The following DOCK3 variants were observed in gnomAD, a reference collection of about 807,000 sequenced individuals.
DOCK3 encodes dedicator of cytokinesis protein 3.
A neutral mutation model predicts 265.6 loss-of-function variants in DOCK3; 60 were observed. The observed-to-expected ratio is 0.23, with a 90% CI of 0.18 to 0.28. DOCK3 has a LOEUF of 0.28. DOCK3 is among the 10% of genes least tolerant of loss of function. The pLI, the probability that DOCK3 is intolerant of heterozygous loss-of-function variation, is 1.00. For missense variants in DOCK3, 1,981 were observed against 2,594.3 expected, an observed-to-expected ratio of 0.76 and a Z score of 5.14; for synonymous variants, 881 against 938.0, an observed-to-expected ratio of 0.94 and a Z score of 1.11.
chr3:50,994,148 G>A (rs1424092758), intron 5 of DOCK3, among the ~76,000 whole-genome samples: 42 of 152,192 alleles, frequency 2.8e-4, no homozygotes, highest in Admixed American at 2.7e-3. Flanking sequence ...TGGTCCAGGA[G>A]GATGGCAGAG....
intron 1 of DOCK3, among the ~76,000 whole-genome samples, chr3:50,773,600 T>C (rs1435956487): frequency 1.3e-5 from 2 of 152,082 alleles, no homozygotes; most frequent in Non-Finnish European, 2.9e-5. Flanking sequence ...ATAAAGAGTT[T>C]GTTAACGAGT....
chr3:50,963,554 C>T (rs1397790111), intron 5 of DOCK3, among the ~76,000 whole-genome samples: 1 of 152,124 alleles, frequency 6.6e-6, no homozygotes, highest in African/African-American at 2.4e-5. Flanking sequence ...TCTGCTTCTG[C>T]CCACGATAAA....
In DOCK3 at chr3:50,687,571, C is replaced by G. The variant is rs2107709864; in HGVS notation, c.37+12271C>G. ...GCTCTGCGTCCATTTCCTCACAGAG[C>G]TGTGCAAATAGAATGAGCTAAGGGC... On this transcript the variant is annotated intron_variant, in intron 1 of 52. Coordinates refer to ENST00000266037, the MANE Select transcript of DOCK3 (RefSeq NM_004947.5). Among the ~76,000 whole-genome samples the G allele has an allele frequency of 1.3e-5, 2 of 152,330 alleles. 1 individual carries two copies. The highest frequency in any genetic ancestry group is 6.8e-3 in the Middle Eastern group (2 of 294).
At chr3:51,326,091 G>A (rs1451390976) in intron 32 of DOCK3, among the ~76,000 whole-genome samples, 1 of 150,240 alleles carries the variant, frequency 6.7e-6, no homozygotes, top group Non-Finnish European at 1.5e-5. Context: ...AAATGAAATT[G>A]TTGTGTATAT....
rs555463854 is a variant in DOCK3 at position 50,758,034 on chromosome 3, C to A, written c.38-20641C>A. Reference sequence around the variant, plus strand: ...ACTAAAAAATACAAAAAAAATTAGCCGGGAGTGGCAGTGTGTGTGTGTAGT... The same window carrying A: ...ACTAAAAAATACAAAAAAAATTAGCAGGGAGTGGCAGTGTGTGTGTGTAGT... On this transcript the variant is annotated intron_variant, in intron 1 of 52. Coordinates refer to ENST00000266037, the MANE Select transcript of DOCK3 (RefSeq NM_004947.5). Among the ~76,000 whole-genome samples, 152 of 151,530 alleles carry A rather than the reference C, an allele frequency of 1.0e-3. No individual in the cohort carries two copies. In the Middle Eastern group the frequency reaches 0.014, roughly 14 times the overall value.
At chr3:51,202,260 T>C (rs1486116578) in intron 12 of DOCK3, among the ~76,000 whole-genome samples, 1 of 149,492 alleles carries the variant, frequency 6.7e-6, no homozygotes, top group Non-Finnish European at 1.5e-5. Flanking sequence ...ACAAAATTGA[T>C]AGACTGCTAG....
intron 5 of DOCK3, among the ~76,000 whole-genome samples, chr3:50,993,950 A>C (rs1575703386): frequency 6.6e-6 from 1 of 152,288 alleles, no homozygotes; most frequent in South Asian, 2.1e-4. Context: ...AAACTGTCTA[A>C]TACAGGTCTA....
intron 1 of DOCK3, among the ~76,000 whole-genome samples, chr3:50,737,047 G>T (rs879559682): frequency 3.3e-5 from 5 of 151,988 alleles, no homozygotes; most frequent in African/African-American, 7.3e-5. Context: ...ACTTTTTGAT[G>T]GGGTTGTTTT....
chr3:51,040,469 C>T (rs555865298), intron 5 of DOCK3, among the ~76,000 whole-genome samples: 3 of 152,120 alleles, frequency 2.0e-5, no homozygotes, highest in Non-Finnish European at 2.9e-5. Flanking sequence ...ATCCTTCAGC[C>T]AGTCATGATC....
At chr3:51,319,274 G>A (rs1055095368) in intron 32 of DOCK3, among the ~76,000 whole-genome samples, 1 of 152,036 alleles carries the variant, frequency 6.6e-6, no homozygotes, top group African/African-American at 2.4e-5. Flanking sequence ...CAGTTTGGGA[G>A]TGTGTAGCTC....
chr3:51,170,597 T>C (rs1428028991), intron 12 of DOCK3, among the ~76,000 whole-genome samples: 1 of 152,172 alleles, frequency 6.6e-6, no homozygotes, highest in African/African-American at 2.4e-5. Context: ...TCCTCTTTCA[T>C]TTATAATTTT....
chr3:50,952,943 G>T lies in DOCK3; in HGVS notation c.315+18866G>T, dbSNP rs115355812. Among the ~76,000 whole-genome samples the T allele has an allele frequency of 5.5e-3, 839 of 152,220 alleles. 7 individuals are homozygous for T. The highest frequency in any genetic ancestry group is 0.036 in the South Asian group (172 of 4,816). ...GAGTATGTGGCATGTATGAAGTACT[G>T]AAGGTTAATGAAACTTAAGTGATTT... On this transcript the variant is annotated intron_variant, in intron 5 of 52. Transcript: ENST00000266037.
intron 21 of DOCK3, among the ~76,000 whole-genome samples, chr3:51,242,997 C>T (rs1477120488): frequency 6.6e-6 from 1 of 152,096 alleles, no homozygotes; most frequent in Non-Finnish European, 1.5e-5. Flanking sequence ...TGACATGGGG[C>T]CCCCAGGTCA....
intron 4 of DOCK3, among the ~76,000 whole-genome samples, chr3:50,928,518 T>C (rs1205918114): frequency 1.3e-5 from 2 of 152,250 alleles, no homozygotes; most frequent in Non-Finnish European, 2.9e-5. Flanking sequence ...ATTGCACTTA[T>C]ATATACCACA....
chr3:51,148,568 C>T (rs1480285940), intron 10 of DOCK3, among the ~76,000 whole-genome samples: 1 of 152,178 alleles, frequency 6.6e-6, no homozygotes, highest in Non-Finnish European at 1.5e-5. Flanking sequence ...TATGGCTAGC[C>T]AGTTTTCCCA....
chr3:51,348,793 G>T, intron 38 of DOCK3, 59 bp from the exon 39 acceptor site: 1 of 1,500,182 alleles, frequency 6.7e-7, no homozygotes. Flanking sequence ...TGTGTTTAAT[G>T]TGGGCTTAGG....
At chr3:51,151,821 GC>G (rs1341928015) in intron 10 of DOCK3, among the ~76,000 whole-genome samples, 13 of 152,106 alleles carry the variant, frequency 8.5e-5, no homozygotes. Context: ...TTCAGTAGTG[GC>G]CCCCACTGTC....
At chr3:51,297,524 G>C (rs1043964023) in intron 27 of DOCK3, among the ~76,000 whole-genome samples, 2 of 152,098 alleles carry the variant, frequency 1.3e-5, no homozygotes, top group Non-Finnish European at 2.9e-5. Flanking sequence ...CAAAAGATTT[G>C]AATAGACATT....
chr3:51,008,165 T>C (rs1279539272), intron 5 of DOCK3, among the ~76,000 whole-genome samples: 2 of 152,136 alleles, frequency 1.3e-5, no homozygotes, highest in African/African-American at 2.4e-5. Flanking sequence ...GTGAAGAAAG[T>C]CATTGGTAGC....
Sources: allele counts gnomAD v4.1 joint callset (sites outside exome capture counted in the v4.1 genomes callset), GRCh38; gene constraint gnomAD v4.1.1; transcripts MANE v1.5; gene names NCBI Gene and HGNC (gene_info 2026-07-23, HGNC 2026-07-21).